Variants in ICOS observed in about 807,000 individuals in gnomAD.
The protein encoded by ICOS is inducible T cell costimulator.
ICOS carries 15 observed loss-of-function variants against 24.6 expected under a neutral mutation model. That is an observed-to-expected ratio of 0.61 (90% CI 0.41 to 0.94). The LOEUF is 0.94. ICOS is among the 40% of genes least tolerant of loss of function. ICOS has a pLI of 0.00. For missense variants in ICOS, 200 were observed against 233.0 expected (o/e 0.86, Z 0.92); for synonymous variants, 89 against 77.5 (o/e 1.15, Z -0.78).
rs1689829981 is a variant in ICOS at position 203,944,144 on chromosome 2, C to G, written c.58+7272C>G. On this transcript the variant is annotated intron_variant, in intron 1 of 4. Coordinates refer to ENST00000316386, the MANE Select transcript of ICOS (RefSeq NM_012092.4). Reference sequence around the variant, plus strand: ...TGCATGCTGGATTCACGGCCTCCCCCCAGTTCAGGCCAGGAGACTTCTTGC... The same window carrying G: ...TGCATGCTGGATTCACGGCCTCCCCGCAGTTCAGGCCAGGAGACTTCTTGC... 2.0e-5 allele frequency among the ~76,000 whole-genome samples: 3 copies of G among 152,178 alleles called. No homozygotes were observed. The South Asian group carries it at 6.2e-4, about 32-fold the overall frequency.
chr2:203,957,785 G>A lies in ICOS; in HGVS notation c.502-14G>A. The A allele has an allele frequency of 6.3e-7, 1 of 1,594,062 alleles. No individual in the cohort carries two copies. The highest frequency in any genetic ancestry group is 8.6e-7 in the Non-Finnish European group (1 of 1,162,004). ...GAAAAGATGACCAAGCATGTTTCTG[G>A]CTTTTTCTTTCAGAAGTATTCATCC... On this transcript the variant is annotated splice_polypyrimidine_tract_variant and intron_variant, in intron 3 of 4. Coordinates refer to ENST00000316386, the MANE Select transcript of ICOS (RefSeq NM_012092.4).
chr2:203,955,773 A>G lies in ICOS; in HGVS notation c.196A>G (p.Thr66Ala). 6.2e-7 allele frequency: 1 copy of G among 1,613,824 alleles called. No homozygotes were observed. The stretch of plus-strand genomic sequence containing the variant: ...AGGGGGGCAAATACTCTGCGATCTC[A>G]CTAAGACAAAAGGAAGTGGAAACAC... ...LKGGQILCDL[T>A]KTKGSGNTVS... Residue 66 changes from threonine to alanine, a missense_variant, in exon 2 of 5, where the codon ACT (threonine) becomes GCT (alanine). Transcript: ENST00000316386.
At chr2:203,954,013 CAT>C (rs549588890) in intron 1 of ICOS, among the ~76,000 whole-genome samples, 132 of 152,160 alleles carry the variant, frequency 8.7e-4, no homozygotes, top group African/African-American at 3.0e-3. Context: ...TTTACACTTA[CAT>C]AGTTTTCTCA....
intron 4 of ICOS, 104 bp from the exon 5 acceptor site, chr2:203,959,482 G>T (rs1363522866): frequency 1.2e-6 from 1 of 859,892 alleles, no homozygotes; most frequent in Non-Finnish European, 2.0e-6. Flanking sequence ...GTGTGTGCAC[G>T]TGTGTGTTTG....
chr2:203,949,679 G>C (rs1460000091), intron 1 of ICOS, among the ~76,000 whole-genome samples: 1 of 152,170 alleles, frequency 6.6e-6, no homozygotes, highest in African/African-American at 2.4e-5. Context: ...TATATTAAAG[G>C]TGGTATGGGA....
At chr2:203,950,768 T>TAAG (rs1383391337) in intron 1 of ICOS, among the ~76,000 whole-genome samples, 2 of 151,948 alleles carry the variant, frequency 1.3e-5, no homozygotes, top group Non-Finnish European at 2.9e-5. Context: ...AATGAGTAAT[T>TAAG]AAGAGCGTCC....
In ICOS at chr2:203,955,835, G is replaced by A; in HGVS notation, c.258G>A (p.Gln86=). 6.2e-7 allele frequency: 1 copy of A among 1,613,788 alleles called. No individual in the cohort carries two copies. Among genetic ancestry groups the A allele is most frequent in the African/African-American group, 1.3e-5 (1 of 75,012 alleles). The change falls in exon 2 of 5, where the codon CAG becomes CAA. Residue 86 remains glutamine, a synonymous_variant. Transcript: ENST00000316386. ...AGAGTCTGAAATTCTGCCATTCTCA[G>A]TTATCCAACAACAGTGTCTCTTTTT... ...SIKSLKFCHS[Q]LSNNSVSFFL... is the part of the protein sequence containing the mutation.
chr2:203,943,630 G>A (rs200568243), intron 1 of ICOS, among the ~76,000 whole-genome samples: 4 of 152,160 alleles, frequency 2.6e-5, no homozygotes. Flanking sequence ...GTGCTGGTTG[G>A]CCTCCTGCCA....
rs1690092736 is a variant in ICOS at position 203,957,219 on chromosome 2, A to G, written c.501+454A>G. 2.0e-5 allele frequency among the ~76,000 whole-genome samples: 3 copies of G among 152,230 alleles called. No homozygotes were observed. In the South Asian group the frequency reaches 6.2e-4, roughly 32 times the overall value. Reference sequence around the variant, plus strand: ...GCTGGTAAGTTAAAAACAGTCAGCAAGAAAGCCTTCTAAGGTGTCAATTGT... The same window carrying G: ...GCTGGTAAGTTAAAAACAGTCAGCAGGAAAGCCTTCTAAGGTGTCAATTGT... On this transcript the variant is annotated intron_variant, in intron 3 of 4. Transcript: ENST00000316386.
intron 1 of ICOS, among the ~76,000 whole-genome samples, chr2:203,944,486 G>A (rs1581601174): frequency 1.3e-5 from 2 of 152,136 alleles, no homozygotes; most frequent in East Asian, 3.8e-4. Flanking sequence ...CTTTTTGACT[G>A]GGAAATAAGT....
intron 1 of ICOS, among the ~76,000 whole-genome samples, chr2:203,939,809 T>A (rs1173506294): frequency 6.6e-6 from 1 of 152,166 alleles, no homozygotes; most frequent in Non-Finnish European, 1.5e-5. Flanking sequence ...TGAGTAAATG[T>A]CATCTCCTGA....
intron 1 of ICOS, among the ~76,000 whole-genome samples, chr2:203,939,028 C>G (rs1319165844): frequency 6.6e-6 from 1 of 152,218 alleles, no homozygotes; most frequent in Non-Finnish European, 1.5e-5. Context: ...TGCTTGTCCT[C>G]TGTTGTATTT....
At chr2:203,941,261 AGATCT>A (rs1336653379) in intron 1 of ICOS, among the ~76,000 whole-genome samples, 1 of 152,056 alleles carries the variant, frequency 6.6e-6, no homozygotes, top group Non-Finnish European at 1.5e-5. Flanking sequence ...TTCTTATGTA[AGATCT>A]TGAGTCCCTT....
chr2:203,947,465 C>G (rs950517579), intron 1 of ICOS, among the ~76,000 whole-genome samples: 1 of 152,050 alleles, frequency 6.6e-6, no homozygotes, highest in Admixed American at 6.6e-5. Context: ...CACACCACCA[C>G]GCCCAGCTAA....
intron 1 of ICOS, among the ~76,000 whole-genome samples, chr2:203,949,405 T>G (rs1304263632): frequency 6.6e-6 from 1 of 152,244 alleles, no homozygotes; most frequent in African/African-American, 2.4e-5. Context: ...CAGGAAGCTG[T>G]GTGACCTCGG....
intron 1 of ICOS, among the ~76,000 whole-genome samples, chr2:203,951,986 G>A (rs980353120): frequency 2.6e-5 from 4 of 151,970 alleles, no homozygotes; most frequent in African/African-American, 9.7e-5. Flanking sequence ...TTAAAACGAA[G>A]CAAGTATTAT....
At chr2:203,937,980 C>T (rs921965576) in intron 1 of ICOS, among the ~76,000 whole-genome samples, 1 of 152,216 alleles carries the variant, frequency 6.6e-6, no homozygotes, top group African/African-American at 2.4e-5. Flanking sequence ...TATATTCATT[C>T]TTCATTCATC....
At position 203,959,801 on chromosome 2, in the gene ICOS, AAAAC is replaced by A; in HGVS notation, c.*208_*211del. 1 of 644,532 alleles carries A rather than the reference AAAAC, an allele frequency of 1.6e-6. No individual in the cohort carries two copies. The allele number at this position is 644,532 out of a possible 1,614,324, so 39.9% of individuals were successfully genotyped here. On this transcript the variant is annotated 3_prime_UTR_variant, in exon 5 of 5. Coordinates refer to ENST00000316386, the MANE Select transcript of ICOS (RefSeq NM_012092.4). The stretch of plus-strand genomic sequence containing the variant: ...TGCCTTGGTACTGCCGAGTCCTCTC[AAAAC>A]AAACACCCTCTTGCAACCAGCTTTG...
chr2:203,941,037 G>A (rs1182182586), intron 1 of ICOS, among the ~76,000 whole-genome samples: 4 of 151,894 alleles, frequency 2.6e-5, no homozygotes, highest in East Asian at 3.9e-4. Context: ...GCCCACCTCC[G>A]CCTCCGCCTC....
Sources: gnomAD v4.1 joint callset for allele counts (sites outside exome capture counted in the v4.1 genomes callset) on GRCh38, gnomAD v4.1.1 for gene constraint, MANE v1.5 for transcripts, NCBI Gene and HGNC (gene_info 2026-07-23, HGNC 2026-07-21) for gene names.